Variants in PCDHAC2 observed in about 807,000 individuals in gnomAD.
PCDHAC2 encodes the protein protocadherin alpha-C2.
Under a neutral mutation model 63.3 loss-of-function variants are expected in PCDHAC2, and 24 were observed. The ratio of observed to expected loss-of-function variants is 0.38; its 90% confidence interval spans 0.27 to 0.53. The LOEUF (loss-of-function observed/expected upper bound fraction) is 0.53. Among genes scored for constraint, PCDHAC2 ranks in the 20% least tolerant of loss-of-function variants. The pLI is 0.81. For missense variants in PCDHAC2, 1,181 were observed against 1,275.2 expected (o/e 0.93, Z 1.12); for synonymous variants, 569 against 529.4 (o/e 1.07, Z -1.03).
At chr5:141,009,463 A>C in intron 3 of PCDHAC2, 164 bp from the exon 4 acceptor site, 1 of 954,884 alleles carries the variant, frequency 1.0e-6, no homozygotes, top group Non-Finnish European at 1.2e-6. Context: ...AAACAAATAA[A>C]TAAATAAGTA....
chr5:140,968,068 C>T lies in PCDHAC2; in HGVS notation c.1302C>T (p.Val434=), dbSNP rs1554230278. ...SGPLDRERVA[V]YNITVTATDG... ...CACTGGACCGAGAGCGGGTGGCTGTCTACAACATCACGGTGACAGCCACAG... is the reference window on the plus strand; with the variant it reads ...CACTGGACCGAGAGCGGGTGGCTGTTTACAACATCACGGTGACAGCCACAG... Residue 434 remains valine (V), a synonymous_variant, in exon 1 of 4, where the codon GTC becomes GTT. Coordinates refer to ENST00000289269, the MANE Select transcript of PCDHAC2 (RefSeq NM_018899.6). The T allele has an allele frequency of 6.2e-7, 1 of 1,614,024 alleles. No homozygotes were observed. The highest frequency in any genetic ancestry group is 2.2e-5 in the East Asian group (1 of 44,890).
intron 2 of PCDHAC2, 36 bp downstream of exon 2, chr5:140,979,043 C>G: frequency 6.2e-7 from 1 of 1,612,500 alleles, no homozygotes. Context: ...CAGAAGTAAC[C>G]TTAACTTGGT....
intron 1 of PCDHAC2, among the ~76,000 whole-genome samples, chr5:140,972,262 C>G (rs116021362): frequency 0.021 from 3,220 of 151,618 alleles, 50 homozygotes; most frequent in Non-Finnish European, 0.033. Context: ...ACATCAGCCT[C>G]CTGAGTAGCT....
chr5:140,987,730 C>CAA (rs2097266231), intron 3 of PCDHAC2, among the ~76,000 whole-genome samples: 1 of 152,066 alleles, frequency 6.6e-6, no homozygotes, highest in African/African-American at 2.4e-5. Flanking sequence ...CCTACAGCTT[C>CAA]AAAATTTAGA....
At chr5:140,992,208 A>G (rs2097499240) in intron 3 of PCDHAC2, among the ~76,000 whole-genome samples, 1 of 152,150 alleles carries the variant, frequency 6.6e-6, no homozygotes, top group African/African-American at 2.4e-5. Context: ...AATCAGATAA[A>G]CTACTCTCCC....
chr5:140,980,695 G>A (rs1403740157), intron 2 of PCDHAC2, among the ~76,000 whole-genome samples: 1 of 149,792 alleles, frequency 6.7e-6, no homozygotes, highest in Non-Finnish European at 1.5e-5. Context: ...AAAAAAAAAA[G>A]CCAAATGTGC....
intron 3 of PCDHAC2, among the ~76,000 whole-genome samples, chr5:140,992,217 C>T (rs1281643880): frequency 6.6e-6 from 1 of 152,088 alleles, no homozygotes; most frequent in Non-Finnish European, 1.5e-5. Flanking sequence ...AACTACTCTC[C>T]CTTCCTGGGA....
chr5:140,993,177 C>A lies in PCDHAC2; in HGVS notation c.2713+10614C>A, dbSNP rs551395516. ...CTAAATATTTGCCTTTGGGAAATTTCTTTAGAGGGAAACTCACTAAAGCTA... is the reference window on the plus strand; with the variant it reads ...CTAAATATTTGCCTTTGGGAAATTTATTTAGAGGGAAACTCACTAAAGCTA... On this transcript the variant is annotated intron_variant, in intron 3 of 3. Transcript: ENST00000289269. 6.6e-5 allele frequency among the ~76,000 whole-genome samples: 10 copies of A among 152,258 alleles called. No homozygotes were observed. In the East Asian group the frequency reaches 1.9e-3, roughly 29 times the overall value.
intron 1 of PCDHAC2, among the ~76,000 whole-genome samples, chr5:140,972,728 A>T (rs189687890): frequency 6.8e-6 from 1 of 147,854 alleles, no homozygotes; most frequent in East Asian, 2.0e-4. Context: ...CAGTGGCGTA[A>T]TCCCGGCTCA....
intron 3 of PCDHAC2, among the ~76,000 whole-genome samples, chr5:141,001,099 C>A (rs1554258004): frequency 6.6e-6 from 1 of 151,694 alleles, no homozygotes; most frequent in African/African-American, 2.4e-5. Context: ...CTGTCTAATC[C>A]ATAATAAGCA....
chr5:141,005,959 A>G (rs1225421383), intron 3 of PCDHAC2, among the ~76,000 whole-genome samples: 1 of 152,048 alleles, frequency 6.6e-6, no homozygotes, highest in African/African-American at 2.4e-5. Context: ...ACAAACAACA[A>G]TAAAAAAACA....
rs1215041869 is a variant in PCDHAC2, at chr5:141,010,411, G to T, written c.*474G>T. ...TGAGACGAGCCAGCTTAGACTAATT[G>T]GTACAAGGAAGGCAAGAAAACAAAG... On this transcript the variant is annotated 3_prime_UTR_variant, in exon 4 of 4. Transcript: ENST00000289269. 4.1e-6 allele frequency: 5 copies of T among 1,224,236 alleles called. No individual in the cohort carries two copies. The highest frequency in any genetic ancestry group is 4.4e-6 in the Non-Finnish European group (4 of 905,798). The allele number at this position is 1,224,236 out of a possible 1,614,324, so 75.8% of individuals were successfully genotyped here. A position where few individuals can be genotyped will look rare whatever the true frequency, so the allele number is the denominator to read the frequency against.
intron 2 of PCDHAC2, chr5:140,982,255 G>A (rs1226877967): frequency 1.6e-5 from 13 of 791,614 alleles, no homozygotes; most frequent in South Asian, 1.3e-4. Context: ...GATAGAACAT[G>A]TGTGTTCCTG....
chr5:140,966,883 T>A lies in PCDHAC2; in HGVS notation c.117T>A (p.Pro39=), dbSNP rs155364. Residue 39 remains proline, a synonymous_variant, in exon 1 of 4, where the codon CCT becomes CCA. Coordinates refer to ENST00000289269, the MANE Select transcript of PCDHAC2 (RefSeq NM_018899.6). ...TGTTGCTGCTGCTGCTACCTGGCCC[T>A]GCGGCCTCCCAGCTGCGATACTCTG... is the stretch of plus-strand genomic sequence containing the variant. The part of the protein sequence containing the change: ...LLLLLLLLPG[P]AASQLRYSVP... The A allele has an allele frequency of 0.52, 832,487 of 1,587,228 alleles. 220,297 individuals carry two copies. The highest frequency in any genetic ancestry group is 0.71 in the African/African-American group (52,670 of 74,456).
At chr5:140,998,779 G>T (rs782154283) in intron 3 of PCDHAC2, among the ~76,000 whole-genome samples, 3 of 152,140 alleles carry the variant, frequency 2.0e-5, no homozygotes, top group Non-Finnish European at 4.4e-5. Context: ...GGTCAGGCTG[G>T]TCTGGAACCC....
chr5:140,998,497 G>A (rs1367409428), intron 3 of PCDHAC2, among the ~76,000 whole-genome samples: 2 of 152,090 alleles, frequency 1.3e-5, no homozygotes, highest in East Asian at 3.8e-4. Flanking sequence ...TTTGAGAACA[G>A]GGTACTTGTC....
Sources: allele counts gnomAD v4.1 joint callset (sites outside exome capture counted in the v4.1 genomes callset), GRCh38; gene constraint gnomAD v4.1.1; transcripts MANE v1.5; gene names NCBI Gene and HGNC (gene_info 2026-07-23, HGNC 2026-07-21).